The following CD109 variants were observed in gnomAD, a reference collection of about 807,000 sequenced individuals.
CD109 encodes CD109 molecule.
A neutral mutation model predicts 165.8 loss-of-function variants in CD109; 149 were observed. That is an observed-to-expected ratio of 0.90 (90% confidence interval 0.79 to 1.03). CD109 has a LOEUF of 1.03. Ranked by LOEUF, CD109 falls within the 50% of genes least tolerant of loss-of-function variation. CD109 has a pLI of 0.00. For missense variants in CD109, 1,712 were observed against 1,677.8 expected, an observed-to-expected ratio of 1.02 and a Z score of -0.36; for synonymous variants, 585 against 592.1, an observed-to-expected ratio of 0.99 and a Z score of 0.18.
Position 73,788,765 on chromosome 6 carries a change from G to A in CD109, c.2701+153G>A, listed in dbSNP as rs145330872. Among the ~76,000 whole-genome samples the A allele has an allele frequency of 6.1e-3, 922 of 152,246 alleles. 7 individuals are homozygous for A. The highest frequency in any genetic ancestry group is 0.01 in the Non-Finnish European group (703 of 68,010). On this transcript the variant is annotated intron_variant, in intron 22 of 32. Transcript: ENST00000287097. ...CCCAACAACTCATTATAATATGAAG[G>A]CTAGCAAATTATGTATCCTAAAACT...
intron 5 of CD109, among the ~76,000 whole-genome samples, chr6:73,741,227 G>A (rs962591858): frequency 2.0e-5 from 3 of 152,010 alleles, no homozygotes; most frequent in South Asian, 4.2e-4. Context: ...CTACTTATAC[G>A]TGTGCTTAAT....
At chr6:73,762,619 A>G (rs1425430071) in intron 8 of CD109, 122 bp from the exon 9 acceptor site, 2 of 968,610 alleles carry the variant, frequency 2.1e-6, no homozygotes, top group East Asian at 2.5e-5. Context: ...ATGAGAATTT[A>G]TGCAATTATA....
chr6:73,774,288 G>A (rs1246250938), intron 15 of CD109, among the ~76,000 whole-genome samples: 1 of 152,200 alleles, frequency 6.6e-6, no homozygotes, highest in Non-Finnish European at 1.5e-5. Context: ...ATCTATTGGT[G>A]AAGGCTGAGC....
chr6:73,680,050 A>T, the CD109 span, among the ~76,000 whole-genome samples: 86,065 of 152,020 alleles, frequency 0.57, 24,514 homozygotes, highest in Non-Finnish European at 0.59. Context: ...ATTCAGCCCA[A>T]GATCTGGAGG....
intron 4 of CD109, among the ~76,000 whole-genome samples, chr6:73,734,725 A>G (rs980750221): frequency 1.3e-5 from 2 of 152,210 alleles, no homozygotes; most frequent in Non-Finnish European, 2.9e-5. Context: ...TAACTGTCAT[A>G]TCTCCACTCT....
At chr6:73,781,801 A>G (rs1774515185) in intron 17 of CD109, among the ~76,000 whole-genome samples, 3 of 138,278 alleles carry the variant, frequency 2.2e-5, no homozygotes, top group South Asian at 2.3e-4. Flanking sequence ...ACACAGAGAC[A>G]TAGACACACA....
intron 13 of CD109, 88 bp downstream of exon 13, chr6:73,767,098 G>A: frequency 9.2e-7 from 1 of 1,082,916 alleles, no homozygotes; most frequent in Non-Finnish European, 1.4e-6. Context: ...GTGCAGGTTT[G>A]TTATATAGCT....
At chr6:73,702,948 C>T (rs550000722) in intron 2 of CD109, among the ~76,000 whole-genome samples, 136 of 152,190 alleles carry the variant, frequency 8.9e-4, no homozygotes, top group Admixed American at 2.4e-3. Context: ...AAGACACATC[C>T]CTAGGAGGGG....
At position 73,762,451 on chromosome 6, in the gene CD109, A is replaced by C; in HGVS notation, c.826A>C (p.Lys276Gln). ...LTFLPLSFWG[K>Q]KKNITKTFKI... ...ATTTTTACCTTTATCCTTTTGGGGA[A>C]AGAAGAAAAATATTACAAAAACATT... Residue 276 changes from lysine to glutamine, a missense_variant, in exon 8 of 33, where the codon AAG (lysine) becomes CAG (glutamine). Lys to Gln is a moderately conservative substitution (Grantham distance 53, BLOSUM62 1). Coordinates refer to ENST00000287097, the MANE Select transcript of CD109 (RefSeq NM_133493.5). 1 of 1,611,146 alleles carries C rather than the reference A, an allele frequency of 6.2e-7. No homozygotes were observed. The highest frequency in any genetic ancestry group is 1.3e-5 in the African/African-American group (1 of 74,980).
intron 5 of CD109, among the ~76,000 whole-genome samples, chr6:73,736,722 TC>T (rs1582081155): frequency 1.3e-5 from 2 of 152,362 alleles, no homozygotes; most frequent in East Asian, 3.9e-4. Flanking sequence ...GTTGTCTTTT[TC>T]TATGATATGA....
intron 15 of CD109, among the ~76,000 whole-genome samples, chr6:73,773,788 C>G (rs1042714900): frequency 3.9e-5 from 6 of 152,036 alleles, no homozygotes; most frequent in African/African-American, 1.2e-4. Flanking sequence ...GCTGTTCTTT[C>G]ATTTTTTAAT....
At position 73,770,621 on chromosome 6, in the gene CD109, G is replaced by A. The variant is rs187836172; in HGVS notation, c.1675-808G>A. Reference sequence around the variant, plus strand: ...AAATTAGCCGGGCATGGTGGTGGGCGCCTGTAATCCCAGCTACTTGGGAGG... The same window carrying A: ...AAATTAGCCGGGCATGGTGGTGGGCACCTGTAATCCCAGCTACTTGGGAGG... On this transcript the variant is annotated intron_variant, in intron 14 of 32. Transcript: ENST00000287097. Among the ~76,000 whole-genome samples, 322 of 152,218 alleles carry A rather than the reference G, an allele frequency of 2.1e-3. 4 individuals carry two copies. The highest frequency in any genetic ancestry group is 2.2e-3 in the Non-Finnish European group (151 of 68,006).
chr6:73,765,747 A>G (rs1307189871), intron 10 of CD109, among the ~76,000 whole-genome samples, 183 bp from the exon 11 acceptor site: 1 of 152,178 alleles, frequency 6.6e-6, no homozygotes, highest in Non-Finnish European at 1.5e-5. Context: ...GGAATCCATA[A>G]TATTAACAAG....
chr6:73,694,352 G>A (rs1371075975), upstream of CD109: 4 of 152,016 alleles, frequency 2.6e-5, no homozygotes, highest in Admixed American at 6.6e-5. Flanking sequence ...TACGCCTTTC[G>A]ACAAGTGTGT....
rs760629310 is a variant in CD109, at chr6:73,736,537, A to G, written c.633+29A>G. On this transcript the variant is annotated intron_variant, in intron 5 of 32. Transcript: ENST00000287097. Reference sequence around the variant, plus strand: ...AGTATAAATATATTTTTTGGGGGGAATGTTAAAGTGATTTAATTAGGTCAG... The same window carrying G: ...AGTATAAATATATTTTTTGGGGGGAGTGTTAAAGTGATTTAATTAGGTCAG... 17 of 1,594,850 alleles carry G rather than the reference A, an allele frequency of 1.1e-5. No individual in the cohort carries two copies. The African/African-American group carries it at 2.0e-4, about 19-fold the overall frequency.
upstream of CD109, chr6:73,695,996 A>C: frequency 1.9e-6 from 1 of 529,830 alleles, no homozygotes. Context: ...GATGTTTGCC[A>C]CAGCAGCGAG....
Position 73,763,618 on chromosome 6 carries a change from A to G in CD109, c.1040A>G (p.His347Arg), listed in dbSNP as rs1402012961. Residue 347 changes from histidine to arginine, a missense_variant, in exon 10 of 33, where the codon CAT becomes CGT. By Grantham distance (29) the His-to-Arg change is conservative. Transcript: ENST00000287097. The part of the protein sequence containing the change: ...NVSTNVFFKQ[H>R]DYIIEFFDYT... ...AGCACTAATGTGTTCTTCAAGCAAC[A>G]TGATTACATCATTGAGTTTTTTGAT... 6 of 1,596,708 alleles carry G rather than the reference A, an allele frequency of 3.8e-6. No individual in the cohort carries two copies. The highest frequency in any genetic ancestry group is 5.1e-6 in the Non-Finnish European group (6 of 1,170,388).
chr6:73,808,067 C>CT lies in CD109; in HGVS notation c.3190-9dup, dbSNP rs143286362. The CT allele has an allele frequency of 1.7e-5, 27 of 1,608,978 alleles. No individual in the cohort carries two copies. In the African/African-American group the frequency reaches 3.2e-4, roughly 19 times the overall value. ...GTTACTCTGAATAGTAAAAAACATA[C>CT]TTTTTTTCTTCCAAGCCTAACATTG... On this transcript the variant is annotated splice_polypyrimidine_tract_variant and intron_variant, in intron 25 of 32. Coordinates refer to ENST00000287097, the MANE Select transcript of CD109 (RefSeq NM_133493.5).
upstream of CD109, chr6:73,696,157 C>A: frequency 6.6e-7 from 1 of 1,505,110 alleles, no homozygotes; most frequent in Non-Finnish European, 9.0e-7. Flanking sequence ...CAAGCCACAC[C>A]CCACGGTGCC....
Sources: gnomAD v4.1 joint callset for allele counts (sites outside exome capture counted in the v4.1 genomes callset) on GRCh38, gnomAD v4.1.1 for gene constraint, MANE v1.5 for transcripts, NCBI Gene and HGNC (gene_info 2026-07-23, HGNC 2026-07-21) for gene names.